ALMS1: variants seen among roughly 807,000 people sequenced by gnomAD.
ALMS1 encodes the protein ALMS1 centrosome and basal body associated protein, also known as centrosome-associated protein ALMS1.
Under a neutral mutation model 352.2 loss-of-function variants are expected in ALMS1, and 271 were observed. The ratio of observed to expected loss-of-function variants is 0.77; its 90% CI spans 0.70 to 0.85. The LOEUF (loss-of-function observed/expected upper bound fraction) is 0.85, where lower values mean the gene tolerates loss of function less well. ALMS1 is among the 40% of genes least tolerant of loss of function. ALMS1 has a pLI of 0.00. For synonymous variants in ALMS1, 1,865 were observed against 1,761.2 expected, an observed-to-expected ratio of 1.06 and a Z score of -1.48; for missense variants, 5,445 against 4,870.7, an observed-to-expected ratio of 1.12 and a Z score of -3.51.
chr2:73,573,157 T>C lies in ALMS1; in HGVS notation c.11280T>C (p.Thr3760=), dbSNP rs2104107302. ...TTNILSGTTS[T]VESDILTQTD... is the part of the protein sequence containing the mutation. ...ACATCCTTTCCGGCACCACTTCTAC[T>C]GTCGAATCAGATATATTGACCCAAA... The change falls in exon 16 of 23, where the codon ACT becomes ACC. Residue 3760 remains threonine (T), a synonymous_variant. Transcript: ENST00000613296. 6.2e-7 allele frequency: 1 copy of C among 1,613,782 alleles called. No homozygotes were observed. Among genetic ancestry groups the C allele is most frequent in the East Asian group, 2.2e-5 (1 of 44,874 alleles).
At chr2:73,480,112 C>T (rs955751563) in intron 9 of ALMS1, among the ~76,000 whole-genome samples, 3 of 151,138 alleles carry the variant, frequency 2.0e-5, no homozygotes, top group African/African-American at 7.3e-5. Context: ...TTTTAGGGTA[C>T]ATGTGCACAT....
chr2:73,424,961 C>G, intron 5 of ALMS1, 59 bp downstream of exon 5: 1 of 1,438,268 alleles, frequency 7.0e-7, no homozygotes, highest in Non-Finnish European at 9.4e-7. Context: ...ATAAAATTCC[C>G]AAGGGAAGTA....
intron 15 of ALMS1, 25 bp downstream of exon 15, chr2:73,559,167 G>C: frequency 6.2e-7 from 1 of 1,607,096 alleles, no homozygotes; most frequent in South Asian, 1.1e-5. Flanking sequence ...TTGTGTATGA[G>C]TGTGTGTGTC....
intron 16 of ALMS1, among the ~76,000 whole-genome samples, chr2:73,591,444 G>T (rs1675431796): frequency 6.6e-6 from 1 of 152,092 alleles, no homozygotes; most frequent in South Asian, 2.1e-4. Context: ...CTTTTGTTAA[G>T]CTAGACTCCA....
At chr2:73,506,754 A>G (rs1454684370) in intron 10 of ALMS1, among the ~76,000 whole-genome samples, 2 of 152,106 alleles carry the variant, frequency 1.3e-5, no homozygotes, top group African/African-American at 4.8e-5. Context: ...CTCTCTTCCT[A>G]TTTGAATACC....
intron 9 of ALMS1, among the ~76,000 whole-genome samples, chr2:73,481,982 G>C (rs938053062): frequency 6.3e-4 from 96 of 152,248 alleles, no homozygotes; most frequent in Middle Eastern, 3.4e-3. Flanking sequence ...TTTGGGCTGA[G>C]ACAGTGGGGT....
In ALMS1 at chr2:73,451,514, A is replaced by G. The variant is rs770424780; in HGVS notation, c.4987A>G (p.Thr1663Ala). Residue 1663 changes from threonine (T) to alanine (A), a missense_variant, in exon 8 of 23, where the codon ACT becomes GCT. Coordinates refer to ENST00000613296, the MANE Select transcript of ALMS1 (RefSeq NM_001378454.1). ...GACTGAGACATTACCAGTACATTCT[A>G]CTAGCTACTCAAATAGGGGGAAGCC... The part of the protein sequence containing the change: ...QKTETLPVHS[T>A]SYSNRGKPVI... 6.4e-5 allele frequency: 103 copies of G among 1,613,672 alleles called. No individual in the cohort carries two copies. The highest frequency in any genetic ancestry group is 8.5e-5 in the Non-Finnish European group (100 of 1,179,922).
intron 10 of ALMS1, among the ~76,000 whole-genome samples, chr2:73,500,740 G>T (rs1041922393): frequency 6.6e-6 from 1 of 151,756 alleles, no homozygotes; most frequent in Non-Finnish European, 1.5e-5. Flanking sequence ...TCAGGCCAAG[G>T]AATGACAGAG....
chr2:73,512,923 A>G (rs1673481286), intron 10 of ALMS1, among the ~76,000 whole-genome samples: 1 of 152,162 alleles, frequency 6.6e-6, no homozygotes, highest in Non-Finnish European at 1.5e-5. Context: ...CACTAGGCAT[A>G]TGTGTTGCTC....
chr2:73,593,424 A>G (rs1158796387), intron 16 of ALMS1, among the ~76,000 whole-genome samples: 1 of 152,190 alleles, frequency 6.6e-6, no homozygotes, highest in African/African-American at 2.4e-5. Flanking sequence ...CATGAAGGCA[A>G]CACTGTTTAT....
At chr2:73,446,856 A>G (rs1394966540) in intron 7 of ALMS1, among the ~76,000 whole-genome samples, 1 of 152,204 alleles carries the variant, frequency 6.6e-6, no homozygotes, top group African/African-American at 2.4e-5. Flanking sequence ...CAGAATCTGC[A>G]AGTTAACAAG....
Position 73,451,079 on chromosome 2 carries a change from A to G in ALMS1, c.4552A>G (p.Ile1518Val), listed in dbSNP as rs1438157029. The G allele has an allele frequency of 6.2e-7, 1 of 1,613,304 alleles. No individual in the cohort carries two copies. Residue 1518 changes from isoleucine to valine, a missense_variant, in exon 8 of 23, where the codon ATA becomes GTA. Ile to Val is a conservative substitution (Grantham distance 29). Transcript: ENST00000613296. ...TGGCCAGACAACTGGCGCACCAACT[A>G]TAACCTCTCCTTCCTACTCACAACA... ...PVGQTTGAPT[I>V]TSPSYSQHRA...
chr2:73,521,083 A>G (rs1373203871), intron 11 of ALMS1, among the ~76,000 whole-genome samples: 2 of 152,230 alleles, frequency 1.3e-5, no homozygotes, highest in Admixed American at 6.5e-5. Context: ...AAGTAAGTGC[A>G]TTTATATACT....
In ALMS1 at chr2:73,525,499, G is replaced by A. The variant is rs147690629; in HGVS notation, c.9781+5483G>A. Among the ~76,000 whole-genome samples the A allele has an allele frequency of 5.3e-3, 810 of 152,272 alleles. 7 individuals are homozygous for A. Among genetic ancestry groups the A allele is most frequent in the African/African-American group, 0.018 (746 of 41,556 alleles). ...TGGGGTGAGATGGTATCTCATTGTA[G>A]TTTTGCTTTGCATTTCTCTGATGAT... On this transcript the variant is annotated intron_variant, in intron 11 of 22. Coordinates refer to ENST00000613296, the MANE Select transcript of ALMS1 (RefSeq NM_001378454.1).
At chr2:73,392,869 T>C (rs1427245410) in intron 1 of ALMS1, among the ~76,000 whole-genome samples, 1 of 152,150 alleles carries the variant, frequency 6.6e-6, no homozygotes, top group Non-Finnish European at 1.5e-5. Context: ...TATCTAGGAG[T>C]AGAATTTTTG....
chr2:73,515,955 T>C (rs1033652100), intron 10 of ALMS1, among the ~76,000 whole-genome samples: 2 of 151,694 alleles, frequency 1.3e-5, no homozygotes, highest in African/African-American at 4.8e-5. Flanking sequence ...TGAAATTGAG[T>C]CAGTAATAAA....
In ALMS1 at chr2:73,453,810, G is replaced by C. The variant is rs1461548443; in HGVS notation, c.7283G>C (p.Trp2428Ser). 1.2e-6 allele frequency: 2 copies of C among 1,614,110 alleles called. No individual in the cohort carries two copies. Among genetic ancestry groups the C allele is most frequent in the Non-Finnish European group, 1.7e-6 (2 of 1,180,006 alleles). Residue 2428 changes from tryptophan (W) to serine (S), a missense_variant, in exon 8 of 23, where the codon TGG becomes TCG. Transcript: ENST00000613296. ...AGTGATGGAAATGGTTCCTGCTCGT[G>C]GGACAGTAATTTACCAGAGTCTTTG... ...DASDGNGSCS[W>S]DSNLPESLES...
At chr2:73,477,680 A>G (rs1010758369) in intron 9 of ALMS1, among the ~76,000 whole-genome samples, 1 of 152,134 alleles carries the variant, frequency 6.6e-6, no homozygotes, top group Non-Finnish European at 1.5e-5. Context: ...TATACTAGAC[A>G]TATATTTATT....
At chr2:73,396,778 G>C (rs1161036184) in intron 1 of ALMS1, among the ~76,000 whole-genome samples, 2 of 151,606 alleles carry the variant, frequency 1.3e-5, no homozygotes. Flanking sequence ...CCAAGTAGCT[G>C]GGACTACAGG....
Sources: gnomAD v4.1 joint callset for allele counts (sites outside exome capture counted in the v4.1 genomes callset) on GRCh38, gnomAD v4.1.1 for gene constraint, MANE v1.5 for transcripts, NCBI Gene and HGNC (gene_info 2026-07-23, HGNC 2026-07-21) for gene names.